Variants in NAPB observed in about 807,000 individuals in gnomAD.
NAPB encodes beta-soluble NSF attachment protein.
In NAPB, 26 loss-of-function variants were observed where a neutral mutation model predicts 44.7. The ratio of observed to expected loss-of-function variants is 0.58; its 90% confidence interval spans 0.43 to 0.81. The LOEUF (loss-of-function observed/expected upper bound fraction) is 0.81. Among genes scored for constraint, NAPB ranks in the 30% least tolerant of loss-of-function variants. The pLI, the probability that NAPB is intolerant of heterozygous loss-of-function variation, is 0.00. For missense variants in NAPB, 315 were observed against 356.4 expected, an observed-to-expected ratio of 0.88 and a Z score of 0.94; for synonymous variants, 120 against 116.8, an observed-to-expected ratio of 1.03 and a Z score of -0.18.
chr20:23,420,424 G>C (rs1345381278), intron 1 of NAPB, among the ~76,000 whole-genome samples: 1 of 152,210 alleles, frequency 6.6e-6, no homozygotes, highest in East Asian at 2.0e-4. Flanking sequence ...TGTACTCGGC[G>C]CAAGGCCCCT....
chr20:23,396,329 T>C (rs1036467914), intron 3 of NAPB, among the ~76,000 whole-genome samples: 4 of 152,248 alleles, frequency 2.6e-5, no homozygotes, highest in African/African-American at 7.2e-5. Context: ...GGAAATAAAC[T>C]GTGATTAACC....
intron 1 of NAPB, among the ~76,000 whole-genome samples, chr20:23,418,975 C>T (rs1187319298): frequency 6.6e-6 from 1 of 151,998 alleles, no homozygotes; most frequent in Non-Finnish European, 1.5e-5. Flanking sequence ...ATGCAGTCTA[C>T]GGCTCTGAAA....
At chr20:23,385,394 G>A (rs913785426) in intron 7 of NAPB, among the ~76,000 whole-genome samples, 2 of 152,144 alleles carry the variant, frequency 1.3e-5, no homozygotes, top group Non-Finnish European at 2.9e-5. Context: ...CACAATGAAA[G>A]AAGAGTCAGA....
intron 2 of NAPB, among the ~76,000 whole-genome samples, chr20:23,398,970 A>G (rs918362181): frequency 1.4e-5 from 2 of 147,036 alleles, no homozygotes; most frequent in Non-Finnish European, 3.0e-5. Context: ...CTGGGATTAC[A>G]GATGATTATA....
At chr20:23,408,620 C>T (rs1464464959) in intron 1 of NAPB, among the ~76,000 whole-genome samples, 4 of 152,190 alleles carry the variant, frequency 2.6e-5, no homozygotes, top group Admixed American at 6.5e-5. Context: ...AAACTTAACC[C>T]TTCCAAGATT....
At chr20:23,404,286 G>A (rs1030345139) in intron 1 of NAPB, among the ~76,000 whole-genome samples, 1 of 152,096 alleles carries the variant, frequency 6.6e-6, no homozygotes, top group Non-Finnish European at 1.5e-5. Flanking sequence ...AACTCGGTGG[G>A]GTATGGACAT....
chr20:23,421,431 T>A lies in NAPB; in HGVS notation c.-29A>T, dbSNP rs904056918. The A allele has an allele frequency of 4.6e-6, 7 of 1,535,586 alleles. No homozygotes were observed. In the African/African-American group the frequency reaches 7.0e-5, roughly 15 times the overall value. ...GCCCGCCGCGGCCGCCACAGCCCCCTCAGCCGGCTCGCTGTGCGCCCAGGC... is the reference window on the plus strand; with the variant it reads ...GCCCGCCGCGGCCGCCACAGCCCCCACAGCCGGCTCGCTGTGCGCCCAGGC... On this transcript the variant is annotated 5_prime_UTR_variant, in exon 1 of 11. Coordinates refer to ENST00000377026, the MANE Select transcript of NAPB (RefSeq NM_022080.3).
intron 1 of NAPB, among the ~76,000 whole-genome samples, chr20:23,415,692 T>G (rs1462228692): frequency 2.0e-5 from 3 of 152,174 alleles, no homozygotes; most frequent in Admixed American, 1.3e-4. Flanking sequence ...CCTAGTACAG[T>G]GGCTAACACC....
At chr20:23,411,392 ATGCTT>A (rs1985644604) in intron 1 of NAPB, among the ~76,000 whole-genome samples, 2 of 152,222 alleles carry the variant, frequency 1.3e-5, no homozygotes, top group Admixed American at 6.5e-5. Flanking sequence ...CAGTGGAACA[ATGCTT>A]TACCAGAAAC....
At chr20:23,409,197 T>A (rs1363754441) in intron 1 of NAPB, among the ~76,000 whole-genome samples, 1 of 152,248 alleles carries the variant, frequency 6.6e-6, no homozygotes, top group East Asian at 1.9e-4. Flanking sequence ...AGGGGAGCGC[T>A]GTCTCAGTGG....
chr20:23,413,298 C>A (rs1420494746), intron 1 of NAPB, among the ~76,000 whole-genome samples: 1 of 149,880 alleles, frequency 6.7e-6, no homozygotes, highest in Non-Finnish European at 1.5e-5. Context: ...AAAACCCTTA[C>A]AATAAAAGCC....
At chr20:23,410,105 G>A (rs1172703049) in intron 1 of NAPB, among the ~76,000 whole-genome samples, 1 of 152,202 alleles carries the variant, frequency 6.6e-6, no homozygotes, top group Non-Finnish European at 1.5e-5. Flanking sequence ...AGAAGGTGGG[G>A]GCAGCTCTAT....
At chr20:23,412,632 TAC>T (rs1381769007) in intron 1 of NAPB, among the ~76,000 whole-genome samples, 2 of 151,658 alleles carry the variant, frequency 1.3e-5, no homozygotes, top group East Asian at 1.9e-4. Flanking sequence ...GAACAGAAAA[TAC>T]AGACATGAAA....
chr20:23,417,637 G>C (rs1986100187), intron 1 of NAPB, among the ~76,000 whole-genome samples: 1 of 152,064 alleles, frequency 6.6e-6, no homozygotes, highest in South Asian at 2.1e-4. Flanking sequence ...AACTCCTTTG[G>C]AAGTAGTTTT....
rs867105848 is a variant in NAPB at position 23,420,818 on chromosome 20, C to A, written c.98+487G>T. Among the ~76,000 whole-genome samples, 5 of 140,858 alleles carry A rather than the reference C, an allele frequency of 3.5e-5. No homozygotes were observed. The South Asian group carries it at 6.8e-4, about 19-fold the overall frequency. 92.4% of individuals were successfully genotyped at this position (140,858 alleles called of 152,430 possible). ...GCGCGTGAGGCTGACAGCCCCCCCC[C>A]CAGAGTGTTCTAGGGGCTTCGTGGG... On this transcript the variant is annotated intron_variant, in intron 1 of 10. Transcript: ENST00000377026.
Position 23,375,170 on chromosome 20 carries a change from T to C in NAPB, c.*2206A>G, listed in dbSNP as rs1053421014. The C allele has an allele frequency of 6.6e-6, 1 of 152,126 alleles. No homozygotes were observed. The highest frequency in any genetic ancestry group is 1.5e-5 in the Non-Finnish European group (1 of 68,036). 9.4% of individuals were successfully genotyped at this position (152,126 alleles called of 1,614,324 possible). A position where few individuals can be genotyped will look rare whatever the true frequency, so the allele number is the denominator to read the frequency against. On this transcript the variant is annotated 3_prime_UTR_variant, in exon 11 of 11. Transcript: ENST00000377026. ...ATTACAATTACTTTGATTCTTTTCA[T>C]GTGAAATATTAAAAACAAAAATTAA...
intron 2 of NAPB, among the ~76,000 whole-genome samples, chr20:23,399,002 C>T (rs1253853468): frequency 1.3e-5 from 2 of 151,534 alleles, no homozygotes; most frequent in Non-Finnish European, 2.9e-5. Flanking sequence ...ACATCCAATT[C>T]TGCTAAAGCT....
At chr20:23,398,672 G>A (rs1356225301) in intron 2 of NAPB, among the ~76,000 whole-genome samples, 2 of 151,778 alleles carry the variant, frequency 1.3e-5, no homozygotes, top group African/African-American at 4.8e-5. Context: ...GCGAAACCCT[G>A]TCTCTACTAA....
At chr20:23,384,752 T>C (rs904510888) in intron 7 of NAPB, among the ~76,000 whole-genome samples, 7 of 152,084 alleles carry the variant, frequency 4.6e-5, no homozygotes, top group African/African-American at 9.7e-5. Context: ...AGCCCTAACA[T>C]ATAAATAACT....
Sources: gnomAD v4.1 joint callset for allele counts (sites outside exome capture counted in the v4.1 genomes callset) on GRCh38, gnomAD v4.1.1 for gene constraint, MANE v1.5 for transcripts, NCBI Gene and HGNC (gene_info 2026-07-23, HGNC 2026-07-21) for gene names.